The following NKAIN3 variants were observed in gnomAD, a reference collection of about 807,000 sequenced individuals.
The protein encoded by NKAIN3 is sodium/potassium transporting ATPase interacting 3.
NKAIN3 carries 25 observed loss-of-function variants against 30.2 expected under a neutral mutation model. The observed-to-expected ratio is 0.83, with a 90% confidence interval of 0.60 to 1.16. The LOEUF is 1.16. NKAIN3 is among the 50% of genes most tolerant of loss of function. NKAIN3 has a pLI of 0.00. For missense variants in NKAIN3, 225 were observed against 254.1 expected (o/e 0.89, Z 0.78); for synonymous variants, 91 against 89.6 (o/e 1.02, Z -0.09).
At chr8:62,903,604 C>T (rs765144477) in intron 4 of NKAIN3, among the ~76,000 whole-genome samples, 2 of 152,188 alleles carry the variant, frequency 1.3e-5, no homozygotes, top group African/African-American at 4.8e-5. Flanking sequence ...CCTGCTGCCT[C>T]TTCTTCAGTC....
chr8:62,304,106 T>C lies in NKAIN3; in HGVS notation c.54+54979T>C, dbSNP rs371374697. Reference sequence around the variant, plus strand: ...TAAGATGGGCATAGCCATCAGCATATATACATCCTAAGGGATGGTGTAAAA... The same window carrying C: ...TAAGATGGGCATAGCCATCAGCATACATACATCCTAAGGGATGGTGTAAAA... On this transcript the variant is annotated intron_variant, in intron 1 of 6. Transcript: ENST00000623646. Among the ~76,000 whole-genome samples the C allele has an allele frequency of 3.6e-4, 54 of 150,462 alleles. 4 individuals carry two copies. Among genetic ancestry groups the C allele is most frequent in the East Asian group, 1.2e-3 (6 of 5,172 alleles).
At position 62,967,273 on chromosome 8, in the gene NKAIN3, G is replaced by A. The variant is rs1244601122; in HGVS notation, c.*1866G>A. Among the ~76,000 whole-genome samples, 1 of 152,138 alleles carries A rather than the reference G, an allele frequency of 6.6e-6. No homozygotes were observed. The highest frequency in any genetic ancestry group is 1.5e-5 in the Non-Finnish European group (1 of 68,038). Reference sequence around the variant, plus strand: ...GACAGAGAACATGGGAGCAAAAGTTGGGGTTTGGGTCCCATCCACCACCAT... The same window carrying A: ...GACAGAGAACATGGGAGCAAAAGTTAGGGTTTGGGTCCCATCCACCACCAT... On this transcript the variant is annotated 3_prime_UTR_variant, in exon 7 of 7. Transcript: ENST00000623646.
chr8:62,258,592 C>T (rs1011765095), intron 1 of NKAIN3, among the ~76,000 whole-genome samples: 4 of 151,842 alleles, frequency 2.6e-5, no homozygotes, highest in African/African-American at 7.3e-5. Context: ...CCCAGGAGTT[C>T]GAGGCTGCAG....
intron 1 of NKAIN3, among the ~76,000 whole-genome samples, chr8:62,492,570 A>G (rs1374096519): frequency 1.3e-5 from 2 of 152,144 alleles, no homozygotes; most frequent in Non-Finnish European, 2.9e-5. Flanking sequence ...AATGGTCTGA[A>G]CACATATCTT....
chr8:62,556,762 A>G (rs1399722515), intron 1 of NKAIN3, among the ~76,000 whole-genome samples: 1 of 151,962 alleles, frequency 6.6e-6, no homozygotes, highest in Non-Finnish European at 1.5e-5. Flanking sequence ...ATATTAATCT[A>G]AAAAGTGGCA....
At chr8:62,785,539 A>G (rs28510223) in intron 4 of NKAIN3, among the ~76,000 whole-genome samples, 13,915 of 152,144 alleles carry the variant, frequency 0.091, 662 homozygotes, top group African/African-American at 0.1. Context: ...CCGTGGATAT[A>G]CTAAAAATCA....
intron 1 of NKAIN3, among the ~76,000 whole-genome samples, chr8:62,513,320 C>A (rs1467635308): frequency 6.6e-6 from 1 of 151,386 alleles, no homozygotes; most frequent in Non-Finnish European, 1.5e-5. Flanking sequence ...CTATCTCCGT[C>A]AGCAAAATAG....
chr8:62,899,662 A>G (rs931487737), intron 4 of NKAIN3, among the ~76,000 whole-genome samples: 1 of 152,136 alleles, frequency 6.6e-6, no homozygotes, highest in African/African-American at 2.4e-5. Flanking sequence ...AATGAATAAG[A>G]CCTAGTATTT....
At chr8:62,783,465 AT>A (rs1309061494) in intron 4 of NKAIN3, among the ~76,000 whole-genome samples, 2 of 152,222 alleles carry the variant, frequency 1.3e-5, no homozygotes, top group East Asian at 3.9e-4. Context: ...AGTCTATGGT[AT>A]TTGGTTATAG....
intron 1 of NKAIN3, among the ~76,000 whole-genome samples, chr8:62,538,463 C>T (rs1808736143): frequency 6.6e-6 from 1 of 152,186 alleles, no homozygotes; most frequent in South Asian, 2.1e-4. Flanking sequence ...GCATGAGCCA[C>T]CACTCGCAGC....
At chr8:62,582,464 G>T (rs1312273537) in intron 2 of NKAIN3, among the ~76,000 whole-genome samples, 1 of 152,124 alleles carries the variant, frequency 6.6e-6, no homozygotes, top group Non-Finnish European at 1.5e-5. Flanking sequence ...ATGTCTAATG[G>T]GGTATCTGCC....
intron 4 of NKAIN3, among the ~76,000 whole-genome samples, chr8:62,900,127 G>T (rs1455583): frequency 0.19 from 28,736 of 151,798 alleles, 3,673 homozygotes; most frequent in East Asian, 0.6. Context: ...GATGGTTGTT[G>T]CTCACTGAAT....
intron 4 of NKAIN3, among the ~76,000 whole-genome samples, chr8:62,757,237 G>A (rs1008693748): frequency 2.0e-5 from 3 of 152,018 alleles, no homozygotes; most frequent in African/African-American, 4.8e-5. Flanking sequence ...TTTAGCCTTA[G>A]GTTAGAGTAA....
chr8:62,463,121 A>T (rs1239833915), intron 1 of NKAIN3, among the ~76,000 whole-genome samples: 1 of 152,130 alleles, frequency 6.6e-6, no homozygotes, highest in Admixed American at 6.5e-5. Flanking sequence ...TAAGCTGTTT[A>T]GAGGGAGGGT....
intron 4 of NKAIN3, among the ~76,000 whole-genome samples, chr8:62,864,436 C>G (rs958605364): frequency 6.6e-6 from 1 of 152,138 alleles, no homozygotes; most frequent in African/African-American, 2.4e-5. Flanking sequence ...ACTGGAGCAG[C>G]AACTGGACGA....
At chr8:62,253,240 A>G (rs1044622010) in intron 1 of NKAIN3, among the ~76,000 whole-genome samples, 21 of 152,342 alleles carry the variant, frequency 1.4e-4, no homozygotes, top group Admixed American at 1.3e-3. Context: ...AGATTTAGAG[A>G]AAATAGGCAG....
rs1563611107 is a variant in NKAIN3 at position 62,883,456 on chromosome 8, G to GTTTTTTTTT, written c.472-34997_472-34996insTTTTTTTTT. 3.5e-4 allele frequency among the ~76,000 whole-genome samples: 6 copies of GTTTTTTTTT among 17,222 alleles called. No homozygotes were observed. The African/African-American group carries it at 4.1e-3, about 12-fold the overall frequency. 11.3% of individuals were successfully genotyped at this position (17,222 alleles called of 152,430 possible). On this transcript the variant is annotated intron_variant, in intron 4 of 6. Coordinates refer to ENST00000623646, the MANE Select transcript of NKAIN3 (RefSeq NM_001304533.3). ...GTTTATTATTTCCAGGAGTTTTATGGGTTTTTTTTTTTTTTTTCAGATTTT... is the reference window on the plus strand; with the variant it reads ...GTTTATTATTTCCAGGAGTTTTATGGTTTTTTTTTGTTTTTTTTTTTTTTTTCAGATTTT...
intron 1 of NKAIN3, among the ~76,000 whole-genome samples, chr8:62,320,325 C>T (rs948316458): frequency 6.6e-6 from 1 of 152,096 alleles, no homozygotes; most frequent in Non-Finnish European, 1.5e-5. Context: ...GCATTTAGCC[C>T]ATTTACATTT....
At chr8:62,807,830 T>C (rs1818351274) in intron 4 of NKAIN3, among the ~76,000 whole-genome samples, 1 of 150,266 alleles carries the variant, frequency 6.7e-6, no homozygotes, top group Non-Finnish European at 1.5e-5. Context: ...CTCTATATGA[T>C]AAATACATAC....
Sources: gnomAD v4.1 joint callset for allele counts (sites outside exome capture counted in the v4.1 genomes callset) on GRCh38, gnomAD v4.1.1 for gene constraint, MANE v1.5 for transcripts, NCBI Gene and HGNC (gene_info 2026-07-23, HGNC 2026-07-21) for gene names.